The following COLGALT2 variants were observed in gnomAD, a reference collection of about 807,000 sequenced individuals.
COLGALT2 encodes collagen beta(1-O)galactosyltransferase 2, also known as procollagen galactosyltransferase 2.
COLGALT2 carries 49 observed loss-of-function variants against 73.4 expected under a neutral mutation model. The ratio of observed to expected loss-of-function variants is 0.67; its 90% confidence interval spans 0.53 to 0.85. The LOEUF (loss-of-function observed/expected upper bound fraction) is 0.85. Ranked by LOEUF, COLGALT2 falls within the 40% of genes least tolerant of loss-of-function variation. The pLI is 0.00. For synonymous variants in COLGALT2, 295 were observed against 307.6 expected (o/e 0.96, Z 0.43); for missense variants, 722 against 790.2 (o/e 0.91, Z 1.03).
chr1:183,994,610 A>G (rs1270482764), intron 1 of COLGALT2, among the ~76,000 whole-genome samples: 2 of 151,998 alleles, frequency 1.3e-5, no homozygotes, highest in Non-Finnish European at 2.9e-5. Context: ...GCGTGCCACC[A>G]TGCCCGGCCA....
rs377083399 is a variant in COLGALT2 at position 184,037,128 on chromosome 1, C to T, written c.230G>A (p.Arg77Gln). Reference sequence around the variant, plus strand: ...CATCCTGCTCTTGGGGTAGTCCAGCCGCTCCAGGCAGCCGAGGAAGTGCGG... The same window carrying T: ...CATCCTGCTCTTGGGGTAGTCCAGCTGCTCCAGGCAGCCGAGGAAGTGCGG... ...TLPHFLGCLE[R>Q]LDYPKSRMAI... is the part of the protein sequence containing the mutation. Residue 77 changes from arginine (R) to glutamine (Q), a missense_variant, in exon 1 of 12, where the codon CGG (arginine) becomes CAG (glutamine). Physicochemically the swap from Arg to Gln is conservative, Grantham distance 43 (BLOSUM62 1). Coordinates refer to ENST00000361927, the MANE Select transcript of COLGALT2 (RefSeq NM_015101.4). 3.9e-5 allele frequency: 62 copies of T among 1,597,406 alleles called. No homozygotes were observed. Among genetic ancestry groups the T allele is most frequent in the Non-Finnish European group, 5.3e-5 (62 of 1,173,992 alleles).
intron 6 of COLGALT2, among the ~76,000 whole-genome samples, chr1:183,962,512 GT>G (rs1419637879): frequency 6.6e-6 from 1 of 151,978 alleles, no homozygotes; most frequent in Non-Finnish European, 1.5e-5. Context: ...TCCATTTAAA[GT>G]TCCTAAAATC....
intron 1 of COLGALT2, among the ~76,000 whole-genome samples, chr1:184,012,383 G>A (rs1368082929): frequency 4.6e-5 from 7 of 151,992 alleles, no homozygotes; most frequent in Admixed American, 3.3e-4. Flanking sequence ...GATTATTAGA[G>A]GAAAAATATG....
intron 11 of COLGALT2, among the ~76,000 whole-genome samples, chr1:183,930,555 A>G (rs1194690941): frequency 1.4e-5 from 2 of 143,478 alleles, no homozygotes; most frequent in East Asian, 4.0e-4. Context: ...ATGCCCTGCT[A>G]ATTTTTTCTT....
rs755271846 is a variant in COLGALT2, at chr1:183,940,740, A to G, written c.1445T>C (p.Val482Ala). 1 of 1,614,248 alleles carries G rather than the reference A, an allele frequency of 6.2e-7. No homozygotes were observed. Among genetic ancestry groups the G allele is most frequent in the South Asian group, 1.1e-5 (1 of 91,090 alleles). ...TTCGACCAGGTTTGCCACATTGGGC[A>G]CTGCTTTCTCTGGCTCCTTTACTTG... ...RMQVKEPEKAVPNVANLVEAD... is the reference protein window; with the variant it reads ...RMQVKEPEKAAPNVANLVEAD... Residue 482 changes from valine to alanine, a missense_variant, in exon 11 of 12, where the codon GTG becomes GCG. Coordinates refer to ENST00000361927, the MANE Select transcript of COLGALT2 (RefSeq NM_015101.4).
chr1:183,979,787 C>G (rs1671299135), intron 1 of COLGALT2, among the ~76,000 whole-genome samples: 1 of 151,948 alleles, frequency 6.6e-6, no homozygotes, highest in South Asian at 2.1e-4. Flanking sequence ...AATGGGGAAA[C>G]AAGTAAGTAT....
intron 1 of COLGALT2, among the ~76,000 whole-genome samples, chr1:183,981,504 AC>A (rs1158254396): frequency 0.011 from 1,484 of 132,220 alleles, 24 homozygotes; most frequent in African/African-American, 0.037. Context: ...AAAAAAAAAA[AC>A]ATTAGCTGGG....
chr1:183,969,846 A>G (rs551912838), intron 4 of COLGALT2, among the ~76,000 whole-genome samples: 64 of 152,246 alleles, frequency 4.2e-4, no homozygotes, highest in African/African-American at 1.5e-3. Context: ...TTCAAATCCT[A>G]CCTCAGCTAC....
chr1:183,978,928 C>T (rs1033756287), intron 1 of COLGALT2, among the ~76,000 whole-genome samples: 8 of 152,162 alleles, frequency 5.3e-5, no homozygotes, highest in African/African-American at 1.9e-4. Context: ...AACAATGACC[C>T]TCAATTTGAG....
chr1:183,964,466 T>A (rs989299124), intron 5 of COLGALT2: 2 of 175,108 alleles, frequency 1.1e-5, no homozygotes, highest in African/African-American at 4.7e-5. Context: ...TTATTAAAGC[T>A]AAATCTAGGC....
chr1:183,937,622 G>A lies in COLGALT2; in HGVS notation c.*1139C>T, dbSNP rs1195587305. 2 of 985,198 alleles carry A rather than the reference G, an allele frequency of 2.0e-6. No individual in the cohort carries two copies. Among genetic ancestry groups the A allele is most frequent in the Non-Finnish European group, 2.4e-6 (2 of 829,932 alleles). 61.0% of individuals were successfully genotyped at this position (985,198 alleles called of 1,614,324 possible). On this transcript the variant is annotated 3_prime_UTR_variant, in exon 12 of 12. Transcript: ENST00000361927. ...CCCCCATCCACAGGCCTCCCCACAA[G>A]AGCCTGGCTGGGAAATTCAGGAGAA...
intron 1 of COLGALT2, among the ~76,000 whole-genome samples, chr1:183,981,407 C>T (rs1671345474): frequency 1.3e-5 from 2 of 151,968 alleles, no homozygotes; most frequent in Non-Finnish European, 2.9e-5. Flanking sequence ...AATTGCAGCA[C>T]TTTGGGAGGC....
In COLGALT2 at chr1:183,937,344, C is replaced by G. The variant is rs894434018; in HGVS notation, c.*1417G>C. On this transcript the variant is annotated 3_prime_UTR_variant, in exon 12 of 12. Transcript: ENST00000361927. ...ATGAGAACATAAACTTGAGGGAAAC[C>G]ACCATGATCTATACTAGGATGACAG... 9.7e-7 allele frequency: 1 copy of G among 1,031,218 alleles called. No individual in the cohort carries two copies. The highest frequency in any genetic ancestry group is 1.7e-5 in the African/African-American group (1 of 59,116). 63.9% of individuals were successfully genotyped at this position (1,031,218 alleles called of 1,614,324 possible). A position where few individuals can be genotyped will look rare whatever the true frequency, so the allele number is the denominator to read the frequency against.
intron 10 of COLGALT2, 31 bp from the exon 11 acceptor site, chr1:183,940,818 C>T (rs772546986): frequency 6.4e-7 from 1 of 1,570,730 alleles, no homozygotes; most frequent in South Asian, 1.1e-5. Flanking sequence ...AGAAAAATTC[C>T]ACCTTGACTA....
intron 1 of COLGALT2, among the ~76,000 whole-genome samples, chr1:183,989,912 G>T (rs2102829008): frequency 6.6e-6 from 1 of 152,260 alleles, no homozygotes; most frequent in Admixed American, 6.5e-5. Context: ...CACTTTCCTT[G>T]AAAGCTGGCC....
intron 7 of COLGALT2, among the ~76,000 whole-genome samples, chr1:183,953,108 G>A (rs1670444495): frequency 6.6e-6 from 1 of 152,156 alleles, no homozygotes; most frequent in Non-Finnish European, 1.5e-5. Flanking sequence ...GTCCCTGCCA[G>A]GACAAGTGCA....
intron 7 of COLGALT2, among the ~76,000 whole-genome samples, chr1:183,952,033 A>G (rs771279789): frequency 6.6e-6 from 1 of 152,222 alleles, no homozygotes; most frequent in Non-Finnish European, 1.5e-5. Context: ...AGAACCAGAA[A>G]TAAGTGCACA....
At chr1:183,994,616 G>A (rs983436002) in intron 1 of COLGALT2, among the ~76,000 whole-genome samples, 5 of 151,938 alleles carry the variant, frequency 3.3e-5, no homozygotes, top group African/African-American at 1.2e-4. Context: ...CACCATGCCC[G>A]GCCAATTTTT....
In COLGALT2 at chr1:183,956,500, A is replaced by G. The variant is rs75247370; in HGVS notation, c.953-1662T>C. ...GTACACGGTTAGGTTTTTAAGAGAA[A>G]GAAGCTTAATGTACCAGCTTCCTCC... is the stretch of plus-strand genomic sequence containing the variant. On this transcript the variant is annotated intron_variant, in intron 6 of 11. Transcript: ENST00000361927. Among the ~76,000 whole-genome samples the G allele has an allele frequency of 5.0e-3, 760 of 152,318 alleles. 7 individuals carry two copies. The highest frequency in any genetic ancestry group is 0.017 in the African/African-American group (727 of 41,574).
Sources: allele counts gnomAD v4.1 joint callset (sites outside exome capture counted in the v4.1 genomes callset), GRCh38; gene constraint gnomAD v4.1.1; transcripts MANE v1.5; gene names NCBI Gene and HGNC (gene_info 2026-07-23, HGNC 2026-07-21).